The following SYT1 variants were observed in gnomAD, a reference collection of about 807,000 sequenced individuals.
SYT1 encodes synaptotagmin 1.
SYT1 carries 8 observed loss-of-function variants against 44.8 expected under a neutral mutation model. The ratio of observed to expected loss-of-function variants is 0.18; its 90% CI spans 0.10 to 0.32. The LOEUF is 0.32. SYT1 is among the 10% of genes least tolerant of loss of function. The pLI is 1.00. For missense variants in SYT1, 286 were observed against 509.3 expected (o/e 0.56, Z 4.22); for synonymous variants, 154 against 188.8 (o/e 0.82, Z 1.51).
intron 4 of SYT1, among the ~76,000 whole-genome samples, chr12:79,270,376 A>T (rs936500705): frequency 6.6e-6 from 1 of 152,206 alleles, no homozygotes; most frequent in Non-Finnish European, 1.5e-5. Flanking sequence ...AAGACAAAAT[A>T]GAGATATGTT....
chr12:79,146,333 A>G (rs1869912566), intron 3 of SYT1, among the ~76,000 whole-genome samples: 1 of 152,150 alleles, frequency 6.6e-6, no homozygotes. Context: ...AGTCCATTGG[A>G]AGGACTGGAA....
chr12:78,962,489 C>G (rs1879563586), intron 1 of SYT1, among the ~76,000 whole-genome samples: 1 of 151,884 alleles, frequency 6.6e-6, no homozygotes, highest in African/African-American at 2.4e-5. Flanking sequence ...TGTTTATGAC[C>G]TAATTACATC....
chr12:79,092,561 CA>C (rs148457452), intron 3 of SYT1, among the ~76,000 whole-genome samples: 1 of 151,354 alleles, frequency 6.6e-6, no homozygotes, highest in Admixed American at 6.6e-5. Context: ...ATGTGCCAAA[CA>C]AAAAAGTCAT....
At chr12:79,370,337 G>A (rs1014602326) in intron 9 of SYT1, among the ~76,000 whole-genome samples, 1 of 152,134 alleles carries the variant, frequency 6.6e-6, no homozygotes, top group African/African-American at 2.4e-5. Context: ...AAAAATGTGA[G>A]AAAAGAATTG....
intron 3 of SYT1, among the ~76,000 whole-genome samples, chr12:79,102,227 A>G (rs1003642875): frequency 2.6e-5 from 4 of 151,946 alleles, no homozygotes; most frequent in Non-Finnish European, 5.9e-5. Flanking sequence ...ATATACCTAC[A>G]CATATGTCCC....
At chr12:79,125,475 T>G (rs1592770618) in intron 3 of SYT1, among the ~76,000 whole-genome samples, 2 of 126,534 alleles carry the variant, frequency 1.6e-5, no homozygotes, top group East Asian at 2.3e-4. Context: ...AAATTAGCTG[T>G]GTGTAGAGGC....
At position 79,052,260 on chromosome 12, in the gene SYT1, A is replaced by G. The variant is rs547315208; in HGVS notation, c.-18+4898A>G. Among the ~76,000 whole-genome samples the G allele has an allele frequency of 3.9e-4, 59 of 152,206 alleles. 1 individual carries two copies. In the South Asian group the frequency reaches 0.012, roughly 32 times the overall value. On this transcript the variant is annotated intron_variant, in intron 3 of 10. Coordinates refer to ENST00000261205, the MANE Select transcript of SYT1 (RefSeq NM_005639.3). Reference sequence around the variant, plus strand: ...GTCCTTCACATCCCTTGTAAGTTGGATTCCCTATTTAATAAATGGTGCTGG... The same window carrying G: ...GTCCTTCACATCCCTTGTAAGTTGGGTTCCCTATTTAATAAATGGTGCTGG...
chr12:79,217,543 G>C lies in SYT1; in HGVS notation c.24G>C (p.Glu8Asp). MVSESHH[E>D]ALAAPPVTTV... The stretch of plus-strand genomic sequence containing the variant: ...AAATGGTGAGCGAGAGTCACCATGA[G>C]GCCCTGGCAGCCCCGCCTGTCACCA... The change falls in exon 4 of 11, where the codon GAG (glutamate) becomes GAC (aspartate). Residue 8 changes from glutamate (E) to aspartate (D), a missense_variant. Around this residue, in one of 6 missense-constraint regions of SYT1, gnomAD observed 141 missense variants for 165.7 expected, o/e 0.85. Transcript: ENST00000261205. 6.2e-7 allele frequency: 1 copy of C among 1,601,874 alleles called. No individual in the cohort carries two copies. The highest frequency in any genetic ancestry group is 8.5e-7 in the Non-Finnish European group (1 of 1,174,726).
At chr12:79,423,579 G>A (rs561923306) in intron 9 of SYT1, among the ~76,000 whole-genome samples, 7 of 152,180 alleles carry the variant, frequency 4.6e-5, no homozygotes, top group African/African-American at 1.7e-4. Flanking sequence ...TTCCTTGCCA[G>A]CTTAGCCTCT....
At chr12:78,955,625 C>G (rs956267527) in intron 1 of SYT1, 1 of 151,856 alleles carries the variant, frequency 6.6e-6, no homozygotes, top group Non-Finnish European at 1.5e-5. Flanking sequence ...GAGGGCAGAG[C>G]CCCCCCAAAG....
intron 1 of SYT1, among the ~76,000 whole-genome samples, chr12:78,971,035 A>G (rs1161951135): frequency 6.6e-6 from 1 of 152,142 alleles, no homozygotes; most frequent in African/African-American, 2.4e-5. Context: ...GTGATGATGC[A>G]TGCCTGTGAT....
chr12:79,412,636 T>C (rs763906992), intron 9 of SYT1, among the ~76,000 whole-genome samples: 1 of 152,160 alleles, frequency 6.6e-6, no homozygotes, highest in Non-Finnish European at 1.5e-5. Flanking sequence ...GTTAATCATT[T>C]TGAGTTTTTC....
chr12:78,890,811 G>A (rs369108257), intron 1 of SYT1, among the ~76,000 whole-genome samples: 6 of 151,700 alleles, frequency 4.0e-5, no homozygotes, highest in African/African-American at 9.7e-5. Context: ...TCTACAATCC[G>A]GAGTCTATCT....
intron 8 of SYT1, among the ~76,000 whole-genome samples, chr12:79,313,603 CA>C (rs58288822): frequency 0.34 from 34,092 of 101,056 alleles, 3,719 homozygotes; most frequent in East Asian, 0.48. Context: ...TTTTAAAAAG[CA>C]AAAAAAAAAA....
chr12:79,387,495 A>G (rs1247948462), intron 9 of SYT1, among the ~76,000 whole-genome samples: 2 of 152,192 alleles, frequency 1.3e-5, no homozygotes, highest in Admixed American at 1.3e-4. Context: ...GGCCCCTTTT[A>G]TGTTTAAATC....
chr12:78,918,782 A>G (rs1452673975), intron 1 of SYT1, among the ~76,000 whole-genome samples: 4 of 152,122 alleles, frequency 2.6e-5, no homozygotes. Flanking sequence ...CTATTATAGT[A>G]CTGATTATAG....
chr12:79,257,733 C>A (rs968930840), intron 4 of SYT1, among the ~76,000 whole-genome samples: 1 of 152,162 alleles, frequency 6.6e-6, no homozygotes, highest in African/African-American at 2.4e-5. Flanking sequence ...GTGATCCGCT[C>A]GCCTCGGCCT....
intron 1 of SYT1, among the ~76,000 whole-genome samples, chr12:78,961,702 T>C (rs977716695): frequency 2.0e-5 from 3 of 152,116 alleles, no homozygotes; most frequent in African/African-American, 4.8e-5. Flanking sequence ...TGAAACTATT[T>C]AGGCAGAAGG....
chr12:79,288,135 G>A, intron 5 of SYT1, among the ~76,000 whole-genome samples: 1 of 152,048 alleles, frequency 6.6e-6, no homozygotes, highest in South Asian at 2.1e-4. Flanking sequence ...GCAGACAAAA[G>A]TAGCTAATCA....
Sources: allele counts gnomAD v4.1 joint callset (sites outside exome capture counted in the v4.1 genomes callset), GRCh38; gene constraint gnomAD v4.1.1; regional missense constraint gnomAD v4.1.1; transcripts MANE v1.5; gene names NCBI Gene and HGNC (gene_info 2026-07-23, HGNC 2026-07-21).